Variants in TIGD4 observed in about 807,000 individuals in gnomAD.
The protein encoded by TIGD4 is tigger transposable element-derived protein 4.
TIGD4 carries 20 observed loss-of-function variants against 24.9 expected under a neutral mutation model. The ratio of observed to expected loss-of-function variants is 0.80; its 90% CI spans 0.56 to 1.17. The LOEUF is 1.17. TIGD4 is among the 50% of genes most tolerant of loss of function. The pLI is 0.00. For missense variants in TIGD4, 566 were observed against 591.0 expected, an observed-to-expected ratio of 0.96 and a Z score of 0.44; for synonymous variants, 193 against 211.0, an observed-to-expected ratio of 0.91 and a Z score of 0.74.
rs926801587 is a variant in TIGD4 at position 152,771,450 on chromosome 4, T to C, written c.-446A>G. The C allele has an allele frequency of 2.4e-5, 4 of 167,032 alleles. No homozygotes were observed. Among genetic ancestry groups the C allele is most frequent in the African/African-American group, 4.8e-5 (2 of 41,452 alleles). 10.3% of individuals were successfully genotyped at this position (167,032 alleles called of 1,614,324 possible). On this transcript the variant is annotated 5_prime_UTR_variant, in exon 2 of 2. Coordinates refer to ENST00000304337, the MANE Select transcript of TIGD4 (RefSeq NM_145720.4). The stretch of plus-strand genomic sequence containing the variant: ...GAGATAAGAAAAAACGTTCAAAAGT[T>C]TTCATGCAACTATTACCCATTAATT...
rs551463749 is a variant in TIGD4, at chr4:152,774,900, G to A, written c.-538-3358C>T. 3.4e-5 allele frequency among the ~76,000 whole-genome samples: 5 copies of A among 147,790 alleles called. No homozygotes were observed. In the East Asian group the frequency reaches 1.0e-3, roughly 30 times the overall value. On this transcript the variant is annotated intron_variant, in intron 1 of 1. Coordinates refer to ENST00000304337, the MANE Select transcript of TIGD4 (RefSeq NM_145720.4). ...AAAACTGTGTATAACGTTTTATCTA[G>A]CAAGTCTATATCAAGGATTTTTTTT...
chr4:152,777,302 T>G (rs1173514870), intron 1 of TIGD4, among the ~76,000 whole-genome samples: 1 of 152,164 alleles, frequency 6.6e-6, no homozygotes, highest in East Asian at 1.9e-4. Context: ...TAGCACCTGA[T>G]TTTTCAAAAG....
At chr4:152,773,721 T>C (rs188675207) in intron 1 of TIGD4, among the ~76,000 whole-genome samples, 2 of 141,790 alleles carry the variant, frequency 1.4e-5, no homozygotes, top group East Asian at 4.2e-4. Context: ...TGAACACAAA[T>C]AGCAACTCTA....
rs762008334 is a variant in TIGD4 at position 152,770,471 on chromosome 4, A to AT, written c.533dup (p.Asn178LysfsTer4). On this transcript the variant is annotated frameshift_variant, in exon 2 of 2. Coordinates refer to ENST00000304337, the MANE Select transcript of TIGD4 (RefSeq NM_145720.4). LOFTEE classifies it high-confidence loss of function. ...GCCCAGTCTCTTTTATATTAAAAAC[A>AT]TTTTTAGGATGATAATCATTTAAAT... 3 of 1,608,870 alleles carry AT rather than the reference A, an allele frequency of 1.9e-6. No homozygotes were observed. In the South Asian group the frequency reaches 3.3e-5, roughly 18 times the overall value.
chr4:152,770,643 A>G lies in TIGD4; in HGVS notation c.362T>C (p.Leu121Pro). The G allele has an allele frequency of 6.2e-7, 1 of 1,603,446 alleles. No homozygotes were observed. The highest frequency in any genetic ancestry group is 8.5e-7 in the Non-Finnish European group (1 of 1,176,562). ...ACTGCACTTAAAATCATTATGGCCC[A>G]GTTTCTGGGCAAAATCATTAGCTTT... is the stretch of plus-strand genomic sequence containing the variant. ...RLKANDFAQK[L>P]GHNDFKCSNG... Residue 121 changes from leucine to proline, a missense_variant, in exon 2 of 2, where the codon CTG becomes CCG. By Grantham distance (98) the Leu-to-Pro change is moderately conservative. Transcript: ENST00000304337.
intron 1 of TIGD4, among the ~76,000 whole-genome samples, chr4:152,777,670 A>G (rs1039960913): frequency 6.8e-6 from 1 of 146,398 alleles, no homozygotes; most frequent in Non-Finnish European, 1.5e-5. Context: ...AAAGGAGGAA[A>G]GAAAAAGAGG....
intron 1 of TIGD4, among the ~76,000 whole-genome samples, chr4:152,778,737 C>A (rs1281356476): frequency 6.6e-6 from 1 of 152,074 alleles, no homozygotes; most frequent in East Asian, 1.9e-4. Flanking sequence ...AAGATACCTG[C>A]CAGGGATATT....
rs1730148573 is a variant in TIGD4 at position 152,770,495 on chromosome 4, A to G, written c.510T>C (p.Tyr170=). 6.2e-7 allele frequency: 1 copy of G among 1,611,076 alleles called. No homozygotes were observed. The highest frequency in any genetic ancestry group is 1.3e-5 in the African/African-American group (1 of 74,644). ...CATTTTTAGGATGATAATCATTTAAATAATAAGGAAGTACATTTTGGTACC... is the reference window on the plus strand; with the variant it reads ...CATTTTTAGGATGATAATCATTTAAGTAATAAGGAAGTACATTTTGGTACC... ...TVWYQNVLPY[Y]LNDYHPKNVF... The change falls in exon 2 of 2, where the codon TAT becomes TAC. Residue 170 remains tyrosine, a synonymous_variant. Transcript: ENST00000304337.
chr4:152,776,440 TA>T (rs35529608), intron 1 of TIGD4, among the ~76,000 whole-genome samples: 13 of 149,898 alleles, frequency 8.7e-5, no homozygotes, highest in Non-Finnish European at 1.0e-4. Flanking sequence ...ACCAAGTTAT[TA>T]AAAAAAAAAT....
At chr4:152,779,037 A>G (rs1320414516) in intron 1 of TIGD4, among the ~76,000 whole-genome samples, 1 of 152,170 alleles carries the variant, frequency 6.6e-6, no homozygotes, top group Non-Finnish European at 1.5e-5. Context: ...CTTCAGGTCT[A>G]TCTAGCGCCA....
rs538535303 is a variant in TIGD4, at chr4:152,777,675, A to C, written c.-539+1807T>G. Among the ~76,000 whole-genome samples the C allele has an allele frequency of 1.3e-4, 19 of 144,568 alleles. No homozygotes were observed. In the South Asian group the frequency reaches 4.1e-3, roughly 31 times the overall value. The allele number at this position is 144,568 out of a possible 152,430, so 94.8% of individuals were successfully genotyped here. Reference sequence around the variant, plus strand: ...GACAAGAAGGAAAGGAGGAAAGAAAAAGAGGAAGGAGGGAAAAAAGGAAGA... The same window carrying C: ...GACAAGAAGGAAAGGAGGAAAGAAACAGAGGAAGGAGGGAAAAAAGGAAGA... On this transcript the variant is annotated intron_variant, in intron 1 of 1. Transcript: ENST00000304337.
At chr4:152,776,221 A>G (rs1174970049) in intron 1 of TIGD4, among the ~76,000 whole-genome samples, 3 of 152,184 alleles carry the variant, frequency 2.0e-5, no homozygotes, top group African/African-American at 7.2e-5. Flanking sequence ...GTCAGTAGCA[A>G]TTTGTTAAAT....
In TIGD4 at chr4:152,769,639, C is replaced by G; in HGVS notation, c.1366G>C (p.Glu456Gln). 1.2e-6 allele frequency: 2 copies of G among 1,613,478 alleles called. No individual in the cohort carries two copies. The highest frequency in any genetic ancestry group is 1.7e-6 in the Non-Finnish European group (2 of 1,179,692). Residue 456 changes from glutamate to glutamine, a missense_variant, in exon 2 of 2, where the codon GAA becomes CAA. Physicochemically the swap from Glu to Gln is conservative, Grantham distance 29 (BLOSUM62 2). Coordinates refer to ENST00000304337, the MANE Select transcript of TIGD4 (RefSeq NM_145720.4). ...CCTGGAGATCCATCATCATCCTCTTCATCAGAAGTGTAAAATCCAGTTTCA... is the reference window on the plus strand; with the variant it reads ...CCTGGAGATCCATCATCATCCTCTTGATCAGAAGTGTAAAATCCAGTTTCA... ...SDETGFYTSDEEDDDGSPGTE... is the reference protein window; with the variant it reads ...SDETGFYTSDQEDDDGSPGTE...
chr4:152,778,260 C>T (rs1251552454), intron 1 of TIGD4, among the ~76,000 whole-genome samples: 7 of 152,174 alleles, frequency 4.6e-5, no homozygotes, highest in African/African-American at 1.7e-4. Context: ...TTTAAGATAA[C>T]AGCCAGCAAA....
Position 152,770,972 on chromosome 4 carries a change from C to A in TIGD4, c.33G>T (p.Leu11=). Residue 11 remains leucine, a synonymous_variant, in exon 2 of 2, where the codon CTG becomes CTT. Transcript: ENST00000304337. ...TTTTCTTTTTCTTCACTGTTACAGGCAGAGTTGAGGCATCCACAGAAGCTT... is the reference window on the plus strand; with the variant it reads ...TTTTCTTTTTCTTCACTGTTACAGGAAGAGTTGAGGCATCCACAGAAGCTT... The part of the protein sequence containing the change: MAEASVDAST[L]PVTVKKKKSL... 1.2e-6 allele frequency: 2 copies of A among 1,610,934 alleles called. No homozygotes were observed. Among genetic ancestry groups the A allele is most frequent in the Non-Finnish European group, 1.7e-6 (2 of 1,179,318 alleles).
Position 152,771,134 on chromosome 4 carries a change from T to C in TIGD4, c.-130A>G, listed in dbSNP as rs1231064206. 1.8e-6 allele frequency: 2 copies of C among 1,134,390 alleles called. No individual in the cohort carries two copies. The highest frequency in any genetic ancestry group is 3.2e-5 in the African/African-American group (2 of 62,178). 70.3% of individuals were successfully genotyped at this position (1,134,390 alleles called of 1,614,324 possible). ...ACTTTATACACTAAAAGTTGGTGTC[T>C]AATAGTCTTATTTTGTAGGAACTTG... On this transcript the variant is annotated 5_prime_UTR_variant, in exon 2 of 2. Transcript: ENST00000304337.
chr4:152,775,985 C>T (rs1296260138), intron 1 of TIGD4, among the ~76,000 whole-genome samples: 5 of 151,904 alleles, frequency 3.3e-5, no homozygotes. Context: ...TGAAAATATG[C>T]AACAAAAAGG....
intron 1 of TIGD4, among the ~76,000 whole-genome samples, chr4:152,777,349 A>G (rs532298936): frequency 6.6e-6 from 1 of 152,358 alleles, no homozygotes; most frequent in South Asian, 2.1e-4. Flanking sequence ...AAGTTAAATG[A>G]GTAGATAATC....
At position 152,770,471 on chromosome 4, in the gene TIGD4, A is replaced by G. The variant is rs1554018524; in HGVS notation, c.534T>C (p.Asn178=). Residue 178 remains asparagine, a synonymous_variant, in exon 2 of 2, where the codon AAT becomes AAC. Coordinates refer to ENST00000304337, the MANE Select transcript of TIGD4 (RefSeq NM_145720.4). ...PYYLNDYHPK[N]VFNIKETGLL... ...GCCCAGTCTCTTTTATATTAAAAACATTTTTAGGATGATAATCATTTAAAT... is the reference window on the plus strand; with the variant it reads ...GCCCAGTCTCTTTTATATTAAAAACGTTTTTAGGATGATAATCATTTAAAT... The G allele has an allele frequency of 6.2e-7, 1 of 1,608,870 alleles. No homozygotes were observed. Among genetic ancestry groups the G allele is most frequent in the Non-Finnish European group, 8.5e-7 (1 of 1,178,298 alleles).
Sources: allele counts gnomAD v4.1 joint callset (sites outside exome capture counted in the v4.1 genomes callset), GRCh38; gene constraint gnomAD v4.1.1; transcripts MANE v1.5; gene names NCBI Gene and HGNC (gene_info 2026-07-23, HGNC 2026-07-21).